Variants in PLXNA4 observed in about 807,000 individuals in gnomAD.
The protein encoded by PLXNA4 is plexin A4.
In PLXNA4, 44 loss-of-function variants were observed where a neutral mutation model predicts 191.8. That is an observed-to-expected ratio of 0.23 (90% CI 0.18 to 0.29). The LOEUF is 0.29. Ranked by LOEUF, PLXNA4 falls within the 10% of genes least tolerant of loss-of-function variation. The pLI is 1.00. For synonymous variants in PLXNA4, 1,082 were observed against 1,009.5 expected, an observed-to-expected ratio of 1.07 and a Z score of -1.36; for missense variants, 1,800 against 2,488.8, an observed-to-expected ratio of 0.72 and a Z score of 5.89.
chr7:132,378,081 C>T (rs369450922), intron 3 of PLXNA4, among the ~76,000 whole-genome samples: 16 of 152,294 alleles, frequency 1.1e-4, no homozygotes, highest in African/African-American at 3.9e-4. Flanking sequence ...AACCATCACA[C>T]TCTCCTGGTG....
intron 2 of PLXNA4, among the ~76,000 whole-genome samples, chr7:132,642,959 G>T (rs546777616): frequency 6.6e-6 from 1 of 152,208 alleles, no homozygotes; most frequent in South Asian, 2.1e-4. Context: ...GCTTATATGT[G>T]CTAGACTATT....
At chr7:132,344,213 C>T (rs1051519987) in intron 3 of PLXNA4, among the ~76,000 whole-genome samples, 1 of 152,154 alleles carries the variant, frequency 6.6e-6, no homozygotes, top group Non-Finnish European at 1.5e-5. Flanking sequence ...CATGACAGCC[C>T]TATGTCAAGA....
At chr7:132,224,539 T>C (rs1041965457) in intron 8 of PLXNA4, among the ~76,000 whole-genome samples, 1 of 152,188 alleles carries the variant, frequency 6.6e-6, no homozygotes, top group Non-Finnish European at 1.5e-5. Context: ...TTGTGTTGCA[T>C]TGATTTTTGA....
At chr7:132,585,247 C>T (rs763539661) in intron 2 of PLXNA4, among the ~76,000 whole-genome samples, 5 of 152,180 alleles carry the variant, frequency 3.3e-5, no homozygotes, top group Non-Finnish European at 7.3e-5. Flanking sequence ...TATCCTTCTA[C>T]ATTGGAGTCA....
At chr7:132,162,303 T>C (rs932551893) in intron 24 of PLXNA4, among the ~76,000 whole-genome samples, 2 of 152,150 alleles carry the variant, frequency 1.3e-5, no homozygotes, top group East Asian at 1.9e-4. Context: ...GGCAAAACAA[T>C]TGCAGTTTCT....
chr7:132,568,870 G>GC (rs771715642), intron 1 of PLXNA4, among the ~76,000 whole-genome samples: 1 of 152,174 alleles, frequency 6.6e-6, no homozygotes, highest in African/African-American at 2.4e-5. Context: ...TGGACAAGAG[G>GC]CCCCCAGTGA....
chr7:132,320,565 C>T (rs1479859050), intron 3 of PLXNA4, among the ~76,000 whole-genome samples: 19 of 152,208 alleles, frequency 1.2e-4, no homozygotes, highest in Admixed American at 1.2e-3. Context: ...CAACACCCCA[C>T]GAACCAAAGA....
chr7:132,417,341 C>T (rs534904253), intron 3 of PLXNA4, among the ~76,000 whole-genome samples: 13 of 152,266 alleles, frequency 8.5e-5, no homozygotes, highest in African/African-American at 2.2e-4. Context: ...ATGAGGCCTG[C>T]GCTTAGGATT....
At chr7:132,548,452 G>A (rs527328033) in intron 1 of PLXNA4, among the ~76,000 whole-genome samples, 1 of 152,264 alleles carries the variant, frequency 6.6e-6, no homozygotes, top group South Asian at 2.1e-4. Flanking sequence ...GGGACATGGA[G>A]GTAGACAACA....
chr7:132,300,306 C>T (rs981036914), intron 3 of PLXNA4, among the ~76,000 whole-genome samples: 20 of 152,064 alleles, frequency 1.3e-4, no homozygotes, highest in Non-Finnish European at 2.2e-4. Flanking sequence ...GTATGTCTCC[C>T]GGTGGTGGCC....
intron 4 of PLXNA4, among the ~76,000 whole-genome samples, chr7:132,270,101 T>C (rs1356165348): frequency 6.6e-6 from 1 of 152,188 alleles, no homozygotes; most frequent in Non-Finnish European, 1.5e-5. Context: ...AAGAGACATG[T>C]ATATATGAAG....
chr7:132,360,952 A>G (rs928156527), intron 3 of PLXNA4, among the ~76,000 whole-genome samples: 2 of 152,208 alleles, frequency 1.3e-5, no homozygotes, highest in African/African-American at 4.8e-5. Flanking sequence ...GGAGCTCACT[A>G]AATGTTTGCA....
chr7:132,562,691 TTCC>T (rs1429162178), intron 1 of PLXNA4, among the ~76,000 whole-genome samples: 2 of 60,046 alleles, frequency 3.3e-5, no homozygotes, highest in Non-Finnish European at 6.3e-5. Flanking sequence ...TCTCCTCCTT[TTCC>T]TCCTCCTCCT....
chr7:132,337,629 A>G lies in PLXNA4; in HGVS notation c.1372-39407T>C, dbSNP rs12666675. 3.6e-3 allele frequency among the ~76,000 whole-genome samples: 552 copies of G among 152,360 alleles called. 13 individuals are homozygous for G. In the East Asian group the frequency reaches 0.041, roughly 11 times the overall value. ...CAAACTAGATGTTAAATGCTGGAAC[A>G]TTCTCTTCCTATTGCTGAGAAAAGA... On this transcript the variant is annotated intron_variant, in intron 3 of 31. Coordinates refer to ENST00000321063, the MANE Select transcript of PLXNA4 (RefSeq NM_020911.2).
intron 3 of PLXNA4, among the ~76,000 whole-genome samples, chr7:132,352,744 T>A (rs1803542768): frequency 6.6e-6 from 1 of 152,130 alleles, no homozygotes; most frequent in Non-Finnish European, 1.5e-5. Context: ...TTCCTTCCAC[T>A]CGGGATTGCT....
At position 132,173,192 on chromosome 7, in the gene PLXNA4, C is replaced by T. The variant is rs560991378; in HGVS notation, c.4017+1586G>A. Among the ~76,000 whole-genome samples, 4 of 152,116 alleles carry T rather than the reference C, an allele frequency of 2.6e-5. No individual in the cohort carries two copies. The South Asian group carries it at 8.3e-4, about 32-fold the overall frequency. ...AGGAATTTGTATACTCTCCAGGGCC[C>T]TAAGAGAATCCTGGTAATTTGAAGC... On this transcript the variant is annotated intron_variant, in intron 21 of 31. Transcript: ENST00000321063.
At chr7:132,214,589 C>T (rs1053696274) in intron 9 of PLXNA4, among the ~76,000 whole-genome samples, 11 of 152,074 alleles carry the variant, frequency 7.2e-5, no homozygotes, top group Admixed American at 2.0e-4. Flanking sequence ...TGACCTGCCC[C>T]GCGCTGAGAT....
chr7:132,147,818 C>T (rs1795480268), intron 27 of PLXNA4, 82 bp downstream of exon 27: 1 of 1,587,082 alleles, frequency 6.3e-7, no homozygotes, highest in African/African-American at 1.3e-5. Flanking sequence ...CCAAGAGTCT[C>T]CTGCCTTCTG....
At position 132,198,338 on chromosome 7, in the gene PLXNA4, C is replaced by T. The variant is rs1489836836; in HGVS notation, c.2738+147G>A. On this transcript the variant is annotated intron_variant, in intron 13 of 31. Coordinates refer to ENST00000321063, the MANE Select transcript of PLXNA4 (RefSeq NM_020911.2). ...TGAGCAGGCGGGGAGTTGTGGGAGT[C>T]CACCCTCCAACTCTAAAATATTGGG... 7.0e-6 allele frequency: 8 copies of T among 1,144,412 alleles called. No individual in the cohort carries two copies. In the East Asian group the frequency reaches 1.8e-4, roughly 26 times the overall value. The allele number at this position is 1,144,412 out of a possible 1,614,324, so 70.9% of individuals were successfully genotyped here.
Sources: allele counts gnomAD v4.1 joint callset (sites outside exome capture counted in the v4.1 genomes callset), GRCh38; gene constraint gnomAD v4.1.1; transcripts MANE v1.5; gene names NCBI Gene and HGNC (gene_info 2026-07-23, HGNC 2026-07-21).